Variants in ABCG2 observed in about 807,000 individuals in gnomAD.
ABCG2 encodes the protein broad substrate specificity ATP-binding cassette transporter ABCG2.
Under a neutral mutation model 73.5 loss-of-function variants are expected in ABCG2, and 80 were observed. The observed-to-expected ratio is 1.09, with a 90% CI of 0.91 to 1.31. ABCG2 has a LOEUF of 1.31. Among genes scored for constraint, ABCG2 ranks in the 50% most tolerant of loss-of-function variants. The pLI is 0.00. For synonymous variants in ABCG2, 269 were observed against 282.4 expected, an observed-to-expected ratio of 0.95 and a Z score of 0.48; for missense variants, 796 against 786.2, an observed-to-expected ratio of 1.01 and a Z score of -0.15.
At chr4:88,220,833 C>A (rs1408750077) in intron 1 of ABCG2, among the ~76,000 whole-genome samples, 2 of 152,128 alleles carry the variant, frequency 1.3e-5, no homozygotes, top group African/African-American at 4.8e-5. Context: ...CTTTCCCACC[C>A]CTCTTTGCTC....
At chr4:88,125,580 C>T (rs1315218751) in intron 5 of ABCG2, among the ~76,000 whole-genome samples, 2 of 116,374 alleles carry the variant, frequency 1.7e-5, no homozygotes, top group African/African-American at 6.9e-5. Flanking sequence ...TGCACTCCAG[C>T]CTGGGCAACA....
At chr4:88,162,424 A>T (rs1488804615), upstream of ABCG2, among the ~76,000 whole-genome samples, 2 of 152,144 alleles carry the variant, frequency 1.3e-5, no homozygotes, top group Non-Finnish European at 2.9e-5. Flanking sequence ...ACTAAAAAAA[A>T]GTTTCCTTAA....
At chr4:88,227,714 G>A (rs1012402123) in intron 1 of ABCG2, among the ~76,000 whole-genome samples, 13 of 152,146 alleles carry the variant, frequency 8.5e-5, no homozygotes, top group African/African-American at 2.2e-4. Flanking sequence ...TTCCTGGGGC[G>A]TAAAGACCTT....
intron 1 of ABCG2, among the ~76,000 whole-genome samples, chr4:88,143,399 A>C (rs535725976): frequency 6.6e-6 from 1 of 152,322 alleles, no homozygotes; most frequent in Admixed American, 6.5e-5. Context: ...AGACTTCTTA[A>C]GAGTATCAAA....
chr4:88,222,944 T>C (rs1730066848), intron 1 of ABCG2, among the ~76,000 whole-genome samples: 1 of 152,206 alleles, frequency 6.6e-6, no homozygotes, highest in Non-Finnish European at 1.5e-5. Context: ...GTGACTTGGA[T>C]ATGAGACATG....
intron 1 of ABCG2, among the ~76,000 whole-genome samples, chr4:88,230,763 C>G (rs1730434540): frequency 6.6e-6 from 1 of 152,142 alleles, no homozygotes; most frequent in South Asian, 2.1e-4. Flanking sequence ...CCTTTTTACT[C>G]AAAGTGTGGT....
intron 14 of ABCG2, among the ~76,000 whole-genome samples, 153 bp downstream of exon 14, chr4:88,095,367 G>T (rs554698321): frequency 6.6e-6 from 1 of 152,244 alleles, no homozygotes; most frequent in South Asian, 2.1e-4. Flanking sequence ...GTTAACCAAG[G>T]CTAACAGGAA....
chr4:88,189,042 A>C (rs1728580005), intron 1 of ABCG2, among the ~76,000 whole-genome samples: 1 of 151,802 alleles, frequency 6.6e-6, no homozygotes. Context: ...ACAATATTAG[A>C]TCTTCCAGTT....
rs113667480 is a variant in ABCG2, at chr4:88,122,801, G to A, written c.532-1009C>T. 6.0e-3 allele frequency among the ~76,000 whole-genome samples: 911 copies of A among 152,342 alleles called. 10 individuals are homozygous for A. Among genetic ancestry groups the A allele is most frequent in the African/African-American group, 0.02 (835 of 41,582 alleles). On this transcript the variant is annotated intron_variant, in intron 5 of 15. Coordinates refer to ENST00000237612, the MANE Select transcript of ABCG2 (RefSeq NM_004827.3). Reference sequence around the variant, plus strand: ...ACAGCAGTGAATCTCCCAGCACAGCGCTAGAGCTCTGCTAAGGGACAGATT... The same window carrying A: ...ACAGCAGTGAATCTCCCAGCACAGCACTAGAGCTCTGCTAAGGGACAGATT...
At chr4:88,198,932 A>G (rs1007159610) in intron 1 of ABCG2, among the ~76,000 whole-genome samples, 2 of 152,060 alleles carry the variant, frequency 1.3e-5, no homozygotes, top group African/African-American at 4.8e-5. Context: ...AACAAAAACT[A>G]TATATGTATA....
chr4:88,171,430 T>G (rs1727753465), intron 1 of ABCG2, among the ~76,000 whole-genome samples: 1 of 103,128 alleles, frequency 9.7e-6, no homozygotes, highest in Admixed American at 9.2e-5. Context: ...ACATTGTAAA[T>G]GAAGAATTTA....
chr4:88,159,010 C>G (rs61535534), upstream of ABCG2: 28 of 368,112 alleles, frequency 7.6e-5, no homozygotes, highest in Non-Finnish European at 1.2e-4. Context: ...GCCCTGCGAC[C>G]CGGCTGAAAG....
chr4:88,217,802 T>C (rs1729868767), intron 1 of ABCG2, among the ~76,000 whole-genome samples: 1 of 151,894 alleles, frequency 6.6e-6, no homozygotes, highest in Non-Finnish European at 1.5e-5. Flanking sequence ...AGACCCAGAC[T>C]CTAAAAATAA....
chr4:88,198,599 T>G (rs1729031949), intron 1 of ABCG2, among the ~76,000 whole-genome samples: 1 of 151,238 alleles, frequency 6.6e-6, no homozygotes, highest in Non-Finnish European at 1.5e-5. Context: ...TGTCACTGCA[T>G]TCCAGCCTGG....
intron 1 of ABCG2, among the ~76,000 whole-genome samples, chr4:88,148,619 T>C (rs938794479): frequency 1.3e-5 from 2 of 152,196 alleles, no homozygotes; most frequent in African/African-American, 4.8e-5. Flanking sequence ...AGGAAATTAA[T>C]AACTTACAGA....
upstream of ABCG2, among the ~76,000 whole-genome samples, chr4:88,159,485 A>T (rs1021856214): frequency 6.6e-6 from 1 of 152,244 alleles, no homozygotes; most frequent in Middle Eastern, 3.2e-3. Context: ...TGTGACTGAC[A>T]TACTTCTGTG....
At chr4:88,159,296 C>A, upstream of ABCG2, 1 of 446,128 alleles carries the variant, frequency 2.2e-6, no homozygotes. Flanking sequence ...GTCACAAGCG[C>A]TGCTCGCACC....
chr4:88,136,695 G>C lies in ABCG2; in HGVS notation c.203+3098C>G, dbSNP rs528142103. 4.9e-4 allele frequency among the ~76,000 whole-genome samples: 68 copies of C among 137,954 alleles called. 1 individual carries two copies. Among genetic ancestry groups the C allele is most frequent in the African/African-American group, 1.7e-3 (64 of 36,842 alleles). The allele number at this position is 137,954 out of a possible 152,430, so 90.5% of individuals were successfully genotyped here. On this transcript the variant is annotated intron_variant, in intron 2 of 15. Coordinates refer to ENST00000237612, the MANE Select transcript of ABCG2 (RefSeq NM_004827.3). ...CACTCCAGCCTGGGCAACAACGTAA[G>C]ACCTTGTCTCTAATAAAATTTGTTT... is the stretch of plus-strand genomic sequence containing the variant.
At chr4:88,138,809 T>C (rs1271440002) in intron 2 of ABCG2, among the ~76,000 whole-genome samples, 1 of 152,110 alleles carries the variant, frequency 6.6e-6, no homozygotes, top group Admixed American at 6.6e-5. Flanking sequence ...ATTCATGCAG[T>C]AAAGATGAAC....
Sources: gnomAD v4.1 joint callset for allele counts (sites outside exome capture counted in the v4.1 genomes callset) on GRCh38, gnomAD v4.1.1 for gene constraint, MANE v1.5 for transcripts, NCBI Gene and HGNC (gene_info 2026-07-23, HGNC 2026-07-21) for gene names.